Variants in LRBA observed in about 807,000 individuals in gnomAD.
LRBA encodes LPS responsive beige-like anchor protein.
A neutral mutation model predicts 330.0 loss-of-function variants in LRBA; 176 were observed. The observed-to-expected ratio is 0.53, with a 90% CI of 0.47 to 0.60. LRBA has a LOEUF of 0.60. Ranked by LOEUF, LRBA falls within the 20% of genes least tolerant of loss-of-function variation. LRBA has a pLI of 0.00. For missense variants in LRBA, 3,259 were observed against 3,444.8 expected, an observed-to-expected ratio of 0.95 and a Z score of 1.35; for synonymous variants, 1,230 against 1,193.0, an observed-to-expected ratio of 1.03 and a Z score of -0.64.
chr4:150,355,009 T>G (rs1432872025), intron 47 of LRBA, among the ~76,000 whole-genome samples: 1 of 151,966 alleles, frequency 6.6e-6, no homozygotes, highest in Admixed American at 6.6e-5. Context: ...ACACAATCTA[T>G]GCTTTCCTGA....
chr4:150,926,353 G>A (rs1263090696), intron 4 of LRBA, among the ~76,000 whole-genome samples: 1 of 152,146 alleles, frequency 6.6e-6, no homozygotes, highest in African/African-American at 2.4e-5. Flanking sequence ...TTATTCAATA[G>A]AGACCCTCTA....
intron 2 of LRBA, among the ~76,000 whole-genome samples, chr4:150,991,603 G>A (rs1742090917): frequency 6.6e-6 from 1 of 152,162 alleles, no homozygotes; most frequent in African/African-American, 2.4e-5. Flanking sequence ...TCAACATTCT[G>A]GAAAACAAAG....
chr4:150,709,603 T>C (rs1785978953), intron 36 of LRBA, among the ~76,000 whole-genome samples: 1 of 152,004 alleles, frequency 6.6e-6, no homozygotes, highest in East Asian at 1.9e-4. Flanking sequence ...ACTCATTTAT[T>C]GAATAATTAT....
intron 37 of LRBA, among the ~76,000 whole-genome samples, chr4:150,607,864 G>A (rs1348078888): frequency 3.9e-5 from 6 of 151,936 alleles, no homozygotes; most frequent in Non-Finnish European, 5.9e-5. Context: ...GTGAAACCCC[G>A]TCTCTACTAA....
intron 35 of LRBA, among the ~76,000 whole-genome samples, chr4:150,753,080 CT>C (rs1294066162): frequency 1.3e-5 from 2 of 152,160 alleles, no homozygotes; most frequent in Non-Finnish European, 2.9e-5. Context: ...GTGACATTTC[CT>C]TGGCGATTCA....
At chr4:150,701,876 G>C (rs1785157650) in intron 36 of LRBA, among the ~76,000 whole-genome samples, 1 of 152,162 alleles carries the variant, frequency 6.6e-6, no homozygotes, top group Non-Finnish European at 1.5e-5. Flanking sequence ...TGTGGGAAGA[G>C]AAAGGGGTAC....
intron 47 of LRBA, among the ~76,000 whole-genome samples, chr4:150,396,278 C>A (rs2151917642): frequency 6.6e-6 from 1 of 152,298 alleles, no homozygotes; most frequent in Non-Finnish European, 1.5e-5. Context: ...GACTCAGGGA[C>A]TTACACCAGT....
intron 37 of LRBA, among the ~76,000 whole-genome samples, chr4:150,653,102 G>C (rs1779852279): frequency 6.6e-6 from 1 of 152,056 alleles, no homozygotes; most frequent in African/African-American, 2.4e-5. Flanking sequence ...CAGCACTTTG[G>C]GAGGACAAGG....
intron 13 of LRBA, among the ~76,000 whole-genome samples, chr4:150,903,581 A>C (rs924492398): frequency 3.3e-5 from 5 of 152,042 alleles, no homozygotes; most frequent in African/African-American, 1.2e-4. Context: ...TCTACAAAAA[A>C]ATACAAAAAT....
At chr4:150,779,509 G>A (rs1471211184) in intron 34 of LRBA, among the ~76,000 whole-genome samples, 1 of 151,730 alleles carries the variant, frequency 6.6e-6, no homozygotes, top group East Asian at 1.9e-4. Flanking sequence ...TTGATAAGGA[G>A]GAGTTCAAAG....
intron 2 of LRBA, among the ~76,000 whole-genome samples, chr4:151,000,919 G>A (rs1357689121): frequency 2.0e-5 from 3 of 152,326 alleles, no homozygotes; most frequent in Admixed American, 6.5e-5. Context: ...TCCCCACTGC[G>A]GGGAAACAGT....
intron 40 of LRBA, among the ~76,000 whole-genome samples, chr4:150,548,820 G>A (rs1766194843): frequency 6.6e-6 from 1 of 152,118 alleles, no homozygotes; most frequent in African/African-American, 2.4e-5. Context: ...ATTGTATGAG[G>A]TAGTTGCTAT....
intron 2 of LRBA, among the ~76,000 whole-genome samples, chr4:150,966,622 G>A (rs531933509): frequency 1.1e-3 from 167 of 151,904 alleles, no homozygotes; most frequent in Non-Finnish European, 1.7e-3. Flanking sequence ...CACCGCGCCC[G>A]GCCGCTAGTT....
intron 53 of LRBA, among the ~76,000 whole-genome samples, chr4:150,291,062 C>T (rs1422685267): frequency 2.0e-5 from 3 of 148,304 alleles, no homozygotes; most frequent in Non-Finnish European, 3.0e-5. Context: ...CCCACTAACT[C>T]GTCATCTAGC....
intron 40 of LRBA, among the ~76,000 whole-genome samples, chr4:150,542,658 A>T (rs529565184): frequency 2.8e-3 from 422 of 152,302 alleles, no homozygotes; most frequent in Non-Finnish European, 3.8e-3. Flanking sequence ...AAGGAAAGTT[A>T]ATATAAACAC....
intron 2 of LRBA, among the ~76,000 whole-genome samples, chr4:150,974,632 A>T (rs536714948): frequency 6.6e-6 from 1 of 152,216 alleles, no homozygotes; most frequent in Non-Finnish European, 1.5e-5. Context: ...AGAACTGTAT[A>T]GCAGATAAAT....
chr4:150,816,442 C>T lies in LRBA; in HGVS notation c.5305+682G>A, dbSNP rs1744602687. On this transcript the variant is annotated intron_variant, in intron 31 of 56. Transcript: ENST00000651943. ...ATTATTCAAGTTTACCCAGTATCACCATTAAGCTTCCCATCAATGTATAGG... is the reference window on the plus strand; with the variant it reads ...ATTATTCAAGTTTACCCAGTATCACTATTAAGCTTCCCATCAATGTATAGG... Among the ~76,000 whole-genome samples, 3 of 151,890 alleles carry T rather than the reference C, an allele frequency of 2.0e-5. No individual in the cohort carries two copies. The Admixed American group carries it at 2.0e-4, about 10-fold the overall frequency.
chr4:150,788,612 T>C (rs1291863814), intron 34 of LRBA, among the ~76,000 whole-genome samples: 1 of 146,468 alleles, frequency 6.8e-6, no homozygotes, highest in African/African-American at 2.5e-5. Context: ...ATACAAAAAT[T>C]AGCCGGGCAT....
intron 54 of LRBA, among the ~76,000 whole-genome samples, chr4:150,284,647 T>C (rs1747929321): frequency 6.6e-6 from 1 of 152,252 alleles, no homozygotes; most frequent in African/African-American, 2.4e-5. Context: ...CCATCTCACC[T>C]TCCCAAGCAG....
Sources: gnomAD v4.1 joint callset for allele counts (sites outside exome capture counted in the v4.1 genomes callset) on GRCh38, gnomAD v4.1.1 for gene constraint, MANE v1.5 for transcripts, NCBI Gene and HGNC (gene_info 2026-07-23, HGNC 2026-07-21) for gene names.